The following AGFG2 variants were observed in gnomAD, a reference collection of about 807,000 sequenced individuals.
The protein encoded by AGFG2 is arf-GAP domain and FG repeat-containing protein 2.
A neutral mutation model predicts 48.0 loss-of-function variants in AGFG2; 31 were observed. The observed-to-expected ratio is 0.65, with a 90% CI of 0.49 to 0.87. The LOEUF (loss-of-function observed/expected upper bound fraction) is 0.87, where lower values mean the gene tolerates loss of function less well. Ranked by LOEUF, AGFG2 falls within the 40% of genes least tolerant of loss-of-function variation. The pLI, the probability that AGFG2 is intolerant of heterozygous loss-of-function variation, is 0.00. For synonymous variants in AGFG2, 229 were observed against 260.8 expected (o/e 0.88, Z 1.18); for missense variants, 599 against 632.6 (o/e 0.95, Z 0.57).
intron 6 of AGFG2, among the ~76,000 whole-genome samples, chr7:100,557,129 CAG>C (rs775164832): frequency 6.6e-6 from 1 of 150,872 alleles, no homozygotes; most frequent in East Asian, 1.9e-4. Flanking sequence ...ACCTGGGAGA[CAG>C]AGGCTGCAGC....
In AGFG2 at chr7:100,568,130, G is replaced by A. The variant is rs1284172080; in HGVS notation, c.*3139G>A. ...TGGTTTGGAGCTGGTCACTGTCATAGCAGCTGTGATTTCACAAGGAAGGGT... is the reference window on the plus strand; with the variant it reads ...TGGTTTGGAGCTGGTCACTGTCATAACAGCTGTGATTTCACAAGGAAGGGT... On this transcript the variant is annotated 3_prime_UTR_variant, in exon 12 of 12. Coordinates refer to ENST00000300176, the MANE Select transcript of AGFG2 (RefSeq NM_006076.5). 1 of 152,748 alleles carries A rather than the reference G, an allele frequency of 6.5e-6. No individual in the cohort carries two copies. Among genetic ancestry groups the A allele is most frequent in the East Asian group, 1.9e-4 (1 of 5,202 alleles). 9.5% of individuals were successfully genotyped at this position (152,748 alleles called of 1,614,324 possible). A position where few individuals can be genotyped will look rare whatever the true frequency, so the allele number is the denominator to read the frequency against.
At chr7:100,561,134 T>A (rs1336803696) in intron 6 of AGFG2, among the ~76,000 whole-genome samples, 1 of 150,010 alleles carries the variant, frequency 6.7e-6, no homozygotes. Flanking sequence ...TCCCTTTTTT[T>A]TTTTTTTTTG....
At chr7:100,547,151 G>A (rs1229633801) in intron 1 of AGFG2, among the ~76,000 whole-genome samples, 1 of 151,804 alleles carries the variant, frequency 6.6e-6, no homozygotes, top group Admixed American at 6.6e-5. Flanking sequence ...TACTGAGTCC[G>A]CCCACTCCCT....
chr7:100,562,490 C>T lies in AGFG2; in HGVS notation c.999-104C>T, dbSNP rs2131124490. The T allele has an allele frequency of 6.2e-7, 1 of 1,601,064 alleles. No homozygotes were observed. The highest frequency in any genetic ancestry group is 8.5e-7 in the Non-Finnish European group (1 of 1,173,090). ...CCTGGCAGTTCTCCCCTCCCCTCCT[C>T]TCCCTTACTCACCCTGGAGAGCAGG... On this transcript the variant is annotated intron_variant, in intron 7 of 11. Transcript: ENST00000300176. This position sits in a 1 kb window ranked among gnomAD's most constrained non-coding sequence, Gnocchi z 5.4.
intron 6 of AGFG2, among the ~76,000 whole-genome samples, chr7:100,559,657 A>C (rs1467219785): frequency 6.6e-6 from 1 of 152,016 alleles, no homozygotes; most frequent in Non-Finnish European, 1.5e-5. Context: ...TTTCTACCAA[A>C]AATACAAATA....
rs771810298 is a variant in AGFG2 at position 100,553,483 on chromosome 7, G to A, written c.568G>A (p.Ala190Thr). 15 of 1,599,326 alleles carry A rather than the reference G, an allele frequency of 9.4e-6. No individual in the cohort carries two copies. The Admixed American group carries it at 2.2e-4, about 24-fold the overall frequency. ...TCCTGCACCGTCTCTCTCAGTTGCT[G>A]CCTCCACCTCGAGCCAGGTAACTCT... ...GDPAPSLSVAASTSSQPVSQS... is the reference protein window; with the variant it reads ...GDPAPSLSVATSTSSQPVSQS... The change falls in exon 4 of 12, where the codon GCC (alanine) becomes ACC (threonine). Residue 190 changes from alanine to threonine, a missense_variant. Transcript: ENST00000300176.
chr7:100,563,809 G>A (rs1167083730), intron 9 of AGFG2, 25 bp from the exon 10 acceptor site: 1 of 1,609,482 alleles, frequency 6.2e-7, no homozygotes, highest in African/African-American at 1.3e-5. Context: ...AAGTTCACCT[G>A]AGCCTCCCGT....
chr7:100,548,151 T>G (rs972750610), intron 1 of AGFG2, among the ~76,000 whole-genome samples: 2 of 152,090 alleles, frequency 1.3e-5, no homozygotes, highest in African/African-American at 4.8e-5. Context: ...AGTACCCCCC[T>G]CGGCCTACAG....
chr7:100,552,300 G>T (rs924112592), intron 3 of AGFG2, among the ~76,000 whole-genome samples: 1 of 152,062 alleles, frequency 6.6e-6, no homozygotes, highest in African/African-American at 2.4e-5. Context: ...CTATTGCATG[G>T]CATTTACATT....
Position 100,562,598 on chromosome 7 carries a change from T to G in AGFG2, c.1003T>G (p.Phe335Val), listed in dbSNP as rs748802496. 3.7e-6 allele frequency: 6 copies of G among 1,613,294 alleles called. No individual in the cohort carries two copies. The highest frequency in any genetic ancestry group is 5.1e-6 in the Non-Finnish European group (6 of 1,179,930). Reference protein sequence around the residue: ...VPAAGVPSSLFGMAGQVPPLQ... With the variant: ...VPAAGVPSSLVGMAGQVPPLQ... ...TTCTCTCTCCCCGTGTTGTAGCCTC[T>G]TCGGGATGGCTGGCCAGGTCCCCCC... The change falls in exon 8 of 12, where the codon TTC becomes GTC. Residue 335 changes from phenylalanine (F) to valine (V), a missense_variant. Phe to Val is a conservative substitution (Grantham distance 50, BLOSUM62 -1). Transcript: ENST00000300176. The surrounding 1 kb of genome is among the most constrained non-coding windows in gnomAD (Gnocchi z 5.4).
chr7:100,548,754 TCCTCCC>T, intron 1 of AGFG2, 62 bp from the exon 2 acceptor site: 1 of 1,230,346 alleles, frequency 8.1e-7, no homozygotes, highest in South Asian at 1.2e-5. Context: ...CTCCTCCTCC[TCCTCCC>T]ATGAACAGCC....
intron 2 of AGFG2, 63 bp from the exon 3 acceptor site, chr7:100,550,333 A>T: frequency 6.2e-5 from 43 of 690,998 alleles, no homozygotes; most frequent in Non-Finnish European, 9.6e-5. Context: ...AAAAAAAAGG[A>T]AGTGGTATTT....
rs774865567 is a variant in AGFG2, at chr7:100,563,441, G to A, written c.1172-393G>A. 2.6e-4 allele frequency among the ~76,000 whole-genome samples: 39 copies of A among 152,236 alleles called. 1 individual carries two copies. The highest frequency in any genetic ancestry group is 8.8e-5 in the Non-Finnish European group (6 of 68,040). On this transcript the variant is annotated intron_variant, in intron 9 of 11. Coordinates refer to ENST00000300176, the MANE Select transcript of AGFG2 (RefSeq NM_006076.5). Reference sequence around the variant, plus strand: ...ATAAGAGCAAACACAGAAGAGCTGTGTGGTGGGCCCAGTGCTGAGGGCTTC... The same window carrying A: ...ATAAGAGCAAACACAGAAGAGCTGTATGGTGGGCCCAGTGCTGAGGGCTTC...
At chr7:100,551,243 G>T (rs900136445) in intron 3 of AGFG2, among the ~76,000 whole-genome samples, 1 of 150,194 alleles carries the variant, frequency 6.7e-6, no homozygotes, top group Admixed American at 6.6e-5. Context: ...CTAATTTTTT[G>T]TATTTTTAGT....
intron 1 of AGFG2, among the ~76,000 whole-genome samples, chr7:100,547,850 T>C (rs1391610050): frequency 6.6e-6 from 1 of 152,202 alleles, no homozygotes; most frequent in African/African-American, 2.4e-5. Context: ...AAATCAAATA[T>C]TTCTTTTCCT....
intron 11 of AGFG2, 29 bp from the exon 12 acceptor site, chr7:100,564,903 C>A: frequency 6.2e-7 from 1 of 1,612,834 alleles, no homozygotes; most frequent in Non-Finnish European, 8.5e-7. Flanking sequence ...TCTCCCCTAA[C>A]TGGAAAATGT....
chr7:100,545,988 C>A (rs1352302462), intron 1 of AGFG2, among the ~76,000 whole-genome samples: 1 of 152,178 alleles, frequency 6.6e-6, no homozygotes. Flanking sequence ...ATTCTCCCTG[C>A]CCCCAGACTG....
At chr7:100,555,792 C>A in intron 6 of AGFG2, 57 bp downstream of exon 6, 2 of 1,599,000 alleles carry the variant, frequency 1.3e-6, no homozygotes, top group South Asian at 1.1e-5. Flanking sequence ...TTGTTCATGT[C>A]TATAAATCAC....
intron 11 of AGFG2, among the ~76,000 whole-genome samples, chr7:100,564,521 CTT>C (rs1246687723): frequency 2.3e-4 from 33 of 140,734 alleles, no homozygotes; most frequent in Admixed American, 3.6e-4. Flanking sequence ...CCTCACTTTC[CTT>C]TTTTTTTTTT....
Sources: allele counts gnomAD v4.1 joint callset (sites outside exome capture counted in the v4.1 genomes callset), GRCh38; gene constraint gnomAD v4.1.1; non-coding constraint Gnocchi (gnomAD v3.1); transcripts MANE v1.5; gene names NCBI Gene and HGNC (gene_info 2026-07-23, HGNC 2026-07-21).